LAMA2: variants seen among roughly 807,000 people sequenced by gnomAD.
LAMA2 encodes the protein laminin subunit alpha-2.
In LAMA2, 269 loss-of-function variants were observed where a neutral mutation model predicts 364.8. The observed-to-expected ratio is 0.74, with a 90% confidence interval of 0.67 to 0.82. LAMA2 has a LOEUF of 0.82. Among genes scored for constraint, LAMA2 ranks in the 40% least tolerant of loss-of-function variants. LAMA2 has a pLI of 0.00. For synonymous variants in LAMA2, 1,379 were observed against 1,370.6 expected, an observed-to-expected ratio of 1.01 and a Z score of -0.14; for missense variants, 3,807 against 3,873.2, an observed-to-expected ratio of 0.98 and a Z score of 0.45.
chr6:129,186,044 A>G (rs887822113), intron 10 of LAMA2, among the ~76,000 whole-genome samples: 1 of 151,734 alleles, frequency 6.6e-6, no homozygotes, highest in Admixed American at 6.6e-5. Flanking sequence ...ACTCTATACA[A>G]ATAAAGTGTT....
intron 42 of LAMA2, among the ~76,000 whole-genome samples, chr6:129,440,407 A>G (rs1350774356): frequency 6.6e-6 from 1 of 152,146 alleles, no homozygotes; most frequent in Non-Finnish European, 1.5e-5. Context: ...TCTCTATCCT[A>G]AAATGAAAAT....
intron 1 of LAMA2, among the ~76,000 whole-genome samples, chr6:129,035,864 T>A (rs1023548865): frequency 6.6e-6 from 1 of 152,152 alleles, no homozygotes; most frequent in African/African-American, 2.4e-5. Context: ...TACCATGCTG[T>A]TTTAGTTACT....
chr6:129,399,238 A>G (rs910306805), intron 37 of LAMA2, among the ~76,000 whole-genome samples: 1 of 152,214 alleles, frequency 6.6e-6, no homozygotes, highest in Non-Finnish European at 1.5e-5. Context: ...GGGTTCTAAG[A>G]AGAACAAAAT....
chr6:129,513,445 G>A (rs980685632), intron 63 of LAMA2, among the ~76,000 whole-genome samples: 2 of 152,102 alleles, frequency 1.3e-5, no homozygotes, highest in Admixed American at 6.6e-5. Flanking sequence ...TATCATGTGC[G>A]TTTCTCACCA....
At chr6:129,195,054 C>T (rs1016995507) in intron 12 of LAMA2, among the ~76,000 whole-genome samples, 3 of 152,206 alleles carry the variant, frequency 2.0e-5, no homozygotes, top group African/African-American at 4.8e-5. Flanking sequence ...ATTTTATTTA[C>T]ATCCATGACC....
At chr6:129,488,475 T>TG (rs1784706341) in intron 56 of LAMA2, among the ~76,000 whole-genome samples, 1 of 152,084 alleles carries the variant, frequency 6.6e-6, no homozygotes, top group Admixed American at 6.6e-5. Context: ...TATGCCACTA[T>TG]GTCCTTTTAA....
intron 1 of LAMA2, among the ~76,000 whole-genome samples, chr6:128,909,255 T>G (rs1582650334): frequency 6.6e-6 from 1 of 152,220 alleles, no homozygotes; most frequent in East Asian, 1.9e-4. Context: ...CTCCCATTAT[T>G]AATGTGTGGG....
At chr6:129,436,655 A>T (rs1781847500) in intron 41 of LAMA2, among the ~76,000 whole-genome samples, 1 of 152,140 alleles carries the variant, frequency 6.6e-6, no homozygotes, top group Non-Finnish European at 1.5e-5. Context: ...CTCTTCAAAC[A>T]ATGGAATCAA....
At chr6:128,931,428 A>G (rs2114516302) in intron 1 of LAMA2, among the ~76,000 whole-genome samples, 1 of 152,342 alleles carries the variant, frequency 6.6e-6, no homozygotes, top group South Asian at 2.1e-4. Context: ...TGAATGAATG[A>G]ATGAATGAAC....
Position 129,291,672 on chromosome 6 carries a change from G to A in LAMA2, c.2808G>A (p.Gln936=). ...AGGTTTGCCACAGTCAAACTGGACA[G>A]TGTGAGTGCAGAGCCAACGTTCAGG... ...FSEVCHSQTG[Q]CECRANVQGQ... Residue 936 remains glutamine (Q), a synonymous_variant, in exon 20 of 65, where the codon CAG becomes CAA. Coordinates refer to ENST00000421865, the MANE Select transcript of LAMA2 (RefSeq NM_000426.4). 4 of 1,614,146 alleles carry A rather than the reference G, an allele frequency of 2.5e-6. No individual in the cohort carries two copies. Among genetic ancestry groups the A allele is most frequent in the Non-Finnish European group, 3.4e-6 (4 of 1,179,994 alleles).
chr6:129,252,404 A>G, intron 14 of LAMA2, 109 bp downstream of exon 14: 1 of 782,022 alleles, frequency 1.3e-6, no homozygotes, highest in Non-Finnish European at 2.2e-6. Context: ...TGCTGTCTTC[A>G]AAGAGCAGAT....
chr6:128,949,715 ATTCT>A (rs1158418448), intron 1 of LAMA2, among the ~76,000 whole-genome samples: 2 of 152,092 alleles, frequency 1.3e-5, no homozygotes, highest in African/African-American at 4.8e-5. Context: ...AAATGGGGTA[ATTCT>A]TTCTGTTTTT....
rs190840305 is a variant in LAMA2, at chr6:129,415,154, G to A, written c.5865+11195G>A. Reference sequence around the variant, plus strand: ...TTCCCTTTAGCTTCCTTTTTTCCTCGTCCTCTCAGCTTCTACCTCTTTAAC... The same window carrying A: ...TTCCCTTTAGCTTCCTTTTTTCCTCATCCTCTCAGCTTCTACCTCTTTAAC... On this transcript the variant is annotated intron_variant, in intron 40 of 64. Coordinates refer to ENST00000421865, the MANE Select transcript of LAMA2 (RefSeq NM_000426.4). Among the ~76,000 whole-genome samples the A allele has an allele frequency of 7.1e-4, 108 of 151,504 alleles. 1 individual carries two copies. Among genetic ancestry groups the A allele is most frequent in the Middle Eastern group, 3.4e-3 (1 of 294 alleles).
intron 3 of LAMA2, among the ~76,000 whole-genome samples, chr6:129,063,651 C>T (rs1402628905): frequency 6.6e-6 from 1 of 152,128 alleles, no homozygotes; most frequent in East Asian, 1.9e-4. Flanking sequence ...CACTTCTCTT[C>T]CTGGTCTATC....
chr6:129,177,731 CA>C lies in LAMA2; in HGVS notation c.1336del (p.Thr446LeufsTer6). ...RGLAPGSCHCKTGFGGVSCDR... is the reference protein window; with the variant it reads ...RGLAPGSCHCXTGFGGVSCDR... ...GTTTGGCACCTGGATCCTGTCATTG[CA>C]AAACTGGTTTTGGAGGTGTGAGCTG... is the stretch of plus-strand genomic sequence containing the variant. On this transcript the variant is annotated frameshift_variant, in exon 10 of 65. Transcript: ENST00000421865. LOFTEE classifies it high-confidence loss of function. The C allele has an allele frequency of 6.2e-7, 1 of 1,613,938 alleles. No individual in the cohort carries two copies. The highest frequency in any genetic ancestry group is 1.1e-5 in the South Asian group (1 of 91,086).
At chr6:129,023,795 T>C (rs73588890) in intron 1 of LAMA2, among the ~76,000 whole-genome samples, 1 of 152,208 alleles carries the variant, frequency 6.6e-6, no homozygotes, top group African/African-American at 2.4e-5. Flanking sequence ...TTTTCCTTTA[T>C]ACAGTTATCA....
At position 129,063,151 on chromosome 6, in the gene LAMA2, A is replaced by G. The variant is rs117357864; in HGVS notation, c.396+3255A>G. Reference sequence around the variant, plus strand: ...CTAAATATTACAATATCTTGGCAAGAAAATTAAAGTAATGATAATGGCAAT... The same window carrying G: ...CTAAATATTACAATATCTTGGCAAGGAAATTAAAGTAATGATAATGGCAAT... On this transcript the variant is annotated intron_variant, in intron 3 of 64. Coordinates refer to ENST00000421865, the MANE Select transcript of LAMA2 (RefSeq NM_000426.4). Among the ~76,000 whole-genome samples the G allele has an allele frequency of 1.0e-3, 158 of 152,294 alleles. 3 individuals are homozygous for G. The East Asian group carries it at 0.025, about 25-fold the overall frequency.
At chr6:128,936,707 T>C (rs1041244488) in intron 1 of LAMA2, among the ~76,000 whole-genome samples, 2 of 152,214 alleles carry the variant, frequency 1.3e-5, no homozygotes, top group African/African-American at 4.8e-5. Context: ...AAATATCTTA[T>C]TGTATTATAC....
chr6:129,143,027 T>C lies in LAMA2; in HGVS notation c.640-874T>C, dbSNP rs1321393905. On this transcript the variant is annotated intron_variant, in intron 4 of 64. Coordinates refer to ENST00000421865, the MANE Select transcript of LAMA2 (RefSeq NM_000426.4). ...TTCCTTTATCCGTGCCAACAGTACC[T>C]TTTATTTTGTCACACAGTTTATTCT... 2.0e-5 allele frequency among the ~76,000 whole-genome samples: 3 copies of C among 152,028 alleles called. No individual in the cohort carries two copies. The East Asian group carries it at 5.8e-4, about 29-fold the overall frequency.
Sources: gnomAD v4.1 joint callset for allele counts (sites outside exome capture counted in the v4.1 genomes callset) on GRCh38, gnomAD v4.1.1 for gene constraint, MANE v1.5 for transcripts, NCBI Gene and HGNC (gene_info 2026-07-23, HGNC 2026-07-21) for gene names.